Variants in ERLIN2 observed in about 807,000 individuals in gnomAD.
ERLIN2 encodes erlin-2.
ERLIN2 carries 22 observed loss-of-function variants against 41.5 expected under a neutral mutation model. That is an observed-to-expected ratio of 0.53 (90% CI 0.38 to 0.76). The LOEUF is 0.76. ERLIN2 is among the 30% of genes least tolerant of loss of function. ERLIN2 has a pLI of 0.00. For synonymous variants in ERLIN2, 149 were observed against 150.9 expected (o/e 0.99, Z 0.09); for missense variants, 247 against 414.3 (o/e 0.60, Z 3.51).
At chr8:37,748,704 C>T (rs1803136212) in intron 6 of ERLIN2, among the ~76,000 whole-genome samples, 1 of 152,304 alleles carries the variant, frequency 6.6e-6, no homozygotes, top group African/African-American at 2.4e-5. Context: ...CAAGTCCCAG[C>T]CTGATTTCAC....
chr8:37,750,131 A>G, intron 8 of ERLIN2: 1 of 620,360 alleles, frequency 1.6e-6, no homozygotes, highest in South Asian at 1.9e-5. Flanking sequence ...CCCAAGGTGG[A>G]GACAGGAGCA....
rs952613883 is a variant in ERLIN2 at position 37,756,253 on chromosome 8, C to T, written c.*2138C>T. Reference sequence around the variant, plus strand: ...ATCCATTTAAAATACATTCATCTTCCTCCCATTTCCGTGCTATTAATCACT... The same window carrying T: ...ATCCATTTAAAATACATTCATCTTCTTCCCATTTCCGTGCTATTAATCACT... On this transcript the variant is annotated 3_prime_UTR_variant, in exon 12 of 12. Transcript: ENST00000519638. 6.6e-6 allele frequency: 1 copy of T among 152,216 alleles called. No individual in the cohort carries two copies. The highest frequency in any genetic ancestry group is 1.5e-5 in the Non-Finnish European group (1 of 68,050). 9.4% of individuals were successfully genotyped at this position (152,216 alleles called of 1,614,324 possible).
In ERLIN2 at chr8:37,754,185, C is replaced by T. The variant is rs1252824641; in HGVS notation, c.*70C>T. On this transcript the variant is annotated 3_prime_UTR_variant, in exon 12 of 12. Coordinates refer to ENST00000519638, the MANE Select transcript of ERLIN2 (RefSeq NM_007175.8). ...TTTTTTAAGATGAATCAGAATGTTC[C>T]TCCCTCCCCGACTACCTTCTCTGAC... The T allele has an allele frequency of 8.7e-7, 1 of 1,146,110 alleles. No individual in the cohort carries two copies. Among genetic ancestry groups the T allele is most frequent in the Non-Finnish European group, 1.3e-6 (1 of 774,244 alleles). 71.0% of individuals were successfully genotyped at this position (1,146,110 alleles called of 1,614,324 possible).
chr8:37,747,723 T>C (rs1394365000), intron 6 of ERLIN2: 31 of 1,583,632 alleles, frequency 2.0e-5, no homozygotes, highest in Non-Finnish European at 2.5e-5. Flanking sequence ...GTCCACACTT[T>C]GCACATTTCT....
In ERLIN2 at chr8:37,755,358, AT is replaced by A. The variant is rs1354023456; in HGVS notation, c.*1244del. 4.6e-5 allele frequency: 7 copies of A among 152,332 alleles called. No individual in the cohort carries two copies. The South Asian group carries it at 1.0e-3, about 23-fold the overall frequency. 9.4% of individuals were successfully genotyped at this position (152,332 alleles called of 1,614,324 possible). A position where few individuals can be genotyped will look rare whatever the true frequency, so the allele number is the denominator to read the frequency against. Reference sequence around the variant, plus strand: ...TTTGAGTCACCTTGGGAGATTCAGGATGGGGAGAGCAAATTTGAACAAAAGG... The same window carrying A: ...TTTGAGTCACCTTGGGAGATTCAGGAGGGGAGAGCAAATTTGAACAAAAGG... On this transcript the variant is annotated 3_prime_UTR_variant, in exon 12 of 12. Coordinates refer to ENST00000519638, the MANE Select transcript of ERLIN2 (RefSeq NM_007175.8).
At chr8:37,745,751 G>T (rs984206307) in intron 6 of ERLIN2, 3 of 1,514,028 alleles carry the variant, frequency 2.0e-6, no homozygotes, top group African/African-American at 1.4e-5. Flanking sequence ...AGTAGAAAAT[G>T]AATCTAAATT....
intron 6 of ERLIN2, chr8:37,745,427 A>T (rs1421553018): frequency 2.3e-5 from 19 of 811,232 alleles, no homozygotes; most frequent in Non-Finnish European, 3.1e-5. Context: ...ACTTAGCAGC[A>T]AAGGAAGGAC....
In ERLIN2 at chr8:37,744,238, C is replaced by G. The variant is rs1405962214; in HGVS notation, c.237-117C>G. On this transcript the variant is annotated intron_variant, in intron 4 of 11. Transcript: ENST00000519638. ...GGAGATCCAAGCTGCCTTCCAACTT[C>G]CCGTGAACTCTTCTACTCCTTTTCT... 23 of 909,650 alleles carry G rather than the reference C, an allele frequency of 2.5e-5. No individual in the cohort carries two copies. In the East Asian group the frequency reaches 5.5e-4, roughly 22 times the overall value. 56.3% of individuals were successfully genotyped at this position (909,650 alleles called of 1,614,324 possible).
chr8:37,753,392 C>G (rs1803272591), intron 10 of ERLIN2, 58 bp from the exon 11 acceptor site: 2 of 1,441,254 alleles, frequency 1.4e-6, no homozygotes, highest in Middle Eastern at 1.8e-4. Context: ...CTCTGCACTT[C>G]CTGCAAAGAA....
Position 37,751,681 on chromosome 8 carries a change from G to A in ERLIN2, c.705G>A (p.Glu235=). The change falls in exon 10 of 12, where the codon GAG becomes GAA. Residue 235 remains glutamate (E), a synonymous_variant. Coordinates refer to ENST00000519638, the MANE Select transcript of ERLIN2 (RefSeq NM_007175.8). ...AEITYGQKVM[E]KETEKKISEI... The stretch of plus-strand genomic sequence containing the variant: ...TCACCTACGGGCAGAAGGTGATGGA[G>A]AAGGAGACTGAGAAGAAGATTTCAG... 1 of 1,614,008 alleles carries A rather than the reference G, an allele frequency of 6.2e-7. No homozygotes were observed. Among genetic ancestry groups the A allele is most frequent in the South Asian group, 1.1e-5 (1 of 91,080 alleles).
chr8:37,751,289 T>C (rs1189546777), intron 9 of ERLIN2, among the ~76,000 whole-genome samples: 1 of 152,246 alleles, frequency 6.6e-6, no homozygotes, highest in Non-Finnish European at 1.5e-5. Flanking sequence ...CACCGTATTA[T>C]CAACAACTAA....
chr8:37,750,893 G>A (rs1803203961), intron 9 of ERLIN2, among the ~76,000 whole-genome samples: 2 of 152,028 alleles, frequency 1.3e-5, no homozygotes, highest in Non-Finnish European at 1.5e-5. Context: ...GCTAATTTTT[G>A]TATTTTTAGT....
At position 37,751,809 on chromosome 8, in the gene ERLIN2, C is replaced by T. The variant is rs887430094; in HGVS notation, c.739+94C>T. 2.7e-5 allele frequency: 25 copies of T among 911,372 alleles called. No individual in the cohort carries two copies. In the Admixed American group the frequency reaches 4.1e-4, roughly 15 times the overall value. 56.5% of individuals were successfully genotyped at this position (911,372 alleles called of 1,614,324 possible). The stretch of plus-strand genomic sequence containing the variant: ...CCATTGCCTTTGCCCTTTAACTGTG[C>T]TCAAGGATGTCATGATCTCTGTGCA... On this transcript the variant is annotated intron_variant, in intron 10 of 11. Transcript: ENST00000519638.
At chr8:37,749,923 T>C (rs1803179671) in intron 8 of ERLIN2, 71 bp downstream of exon 8, 2 of 1,317,682 alleles carry the variant, frequency 1.5e-6, no homozygotes, top group South Asian at 1.2e-5. Flanking sequence ...ATCCCAGAGG[T>C]AACCAAAGCT....
chr8:37,744,745 A>T, intron 6 of ERLIN2, 49 bp downstream of exon 6: 2 of 1,611,218 alleles, frequency 1.2e-6, no homozygotes, highest in Non-Finnish European at 1.7e-6. Context: ...GGTTCCTGGA[A>T]CCCCGCGTCT....
Position 37,755,985 on chromosome 8 carries a change from T to G in ERLIN2, c.*1870T>G, listed in dbSNP as rs944299728. The G allele has an allele frequency of 6.6e-6, 1 of 152,150 alleles. No homozygotes were observed. The highest frequency in any genetic ancestry group is 1.9e-4 in the East Asian group (1 of 5,172). The allele number at this position is 152,150 out of a possible 1,614,324, so 9.4% of individuals were successfully genotyped here. A position where few individuals can be genotyped will look rare whatever the true frequency, so the allele number is the denominator to read the frequency against. On this transcript the variant is annotated 3_prime_UTR_variant, in exon 12 of 12. Transcript: ENST00000519638. ...CAGGCGGATCACCTGAGGTTAGGAGTTCGAGACCACCCTGGCCAACATGCG... is the reference window on the plus strand; with the variant it reads ...CAGGCGGATCACCTGAGGTTAGGAGGTCGAGACCACCCTGGCCAACATGCG...
At chr8:37,740,594 A>T (rs1478472967) in intron 3 of ERLIN2, 148 bp downstream of exon 3, 12 of 180,614 alleles carry the variant, frequency 6.6e-5, no homozygotes, top group African/African-American at 2.0e-4. Flanking sequence ...TATATATATA[A>T]TATATATATA....
chr8:37,752,582 C>T (rs1411983469), intron 10 of ERLIN2, among the ~76,000 whole-genome samples: 1 of 152,230 alleles, frequency 6.6e-6, no homozygotes, highest in Non-Finnish European at 1.5e-5. Context: ...GGCTGGACTG[C>T]AGGTTCCTTC....
intron 5 of ERLIN2, 34 bp downstream of exon 5, chr8:37,744,450 C>T: frequency 6.2e-7 from 1 of 1,610,830 alleles, no homozygotes; most frequent in South Asian, 1.1e-5. Context: ...ACCACCAGCT[C>T]ACTTTCCCCA....
Sources: gnomAD v4.1 joint callset for allele counts (sites outside exome capture counted in the v4.1 genomes callset) on GRCh38, gnomAD v4.1.1 for gene constraint, MANE v1.5 for transcripts, NCBI Gene and HGNC (gene_info 2026-07-23, HGNC 2026-07-21) for gene names.